COL17A1: variants seen among roughly 807,000 people sequenced by gnomAD.
COL17A1 encodes collagen alpha-1(XVII) chain.
COL17A1 carries 181 observed loss-of-function variants against 218.4 expected under a neutral mutation model. The ratio of observed to expected loss-of-function variants is 0.83; its 90% CI spans 0.73 to 0.94. The LOEUF (loss-of-function observed/expected upper bound fraction) is 0.94. COL17A1 is among the 40% of genes least tolerant of loss of function. The pLI is 0.00. For missense variants in COL17A1, 1,924 were observed against 1,945.9 expected, an observed-to-expected ratio of 0.99 and a Z score of 0.21; for synonymous variants, 721 against 731.0, an observed-to-expected ratio of 0.99 and a Z score of 0.22.
chr10:104,044,541 T>G (rs1470065537), intron 33 of COL17A1, among the ~76,000 whole-genome samples: 1 of 152,192 alleles, frequency 6.6e-6, no homozygotes, highest in East Asian at 1.9e-4. Context: ...CAAGTTCTGT[T>G]AGCAATTCAG....
At chr10:104,067,686 C>T (rs917585920) in intron 9 of COL17A1, among the ~76,000 whole-genome samples, 1 of 151,954 alleles carries the variant, frequency 6.6e-6, no homozygotes, top group Non-Finnish European at 1.5e-5. Context: ...GCGGCAGGAG[C>T]TGCAGAGCCG....
chr10:104,037,966 C>G (rs2086317895), intron 45 of COL17A1, among the ~76,000 whole-genome samples, 193 bp from the exon 46 acceptor site: 1 of 152,212 alleles, frequency 6.6e-6, no homozygotes, highest in African/African-American at 2.4e-5. Context: ...GAGGCAGAGG[C>G]CTGAGCTGGG....
rs1428345768 is a variant in COL17A1 at position 104,035,288 on chromosome 10, C to CA, written c.3593dup (p.Glu1199GlyfsTer43). 6.2e-7 allele frequency: 1 copy of CA among 1,614,094 alleles called. No individual in the cohort carries two copies. Among genetic ancestry groups the CA allele is most frequent in the Admixed American group, 1.7e-5 (1 of 60,024 alleles). ...TATGTAAGTAAGACGAGAGGTCCTC[C>CA]ACGCTGATGCTGGACCACACATTGC... is the stretch of plus-strand genomic sequence containing the variant. On this transcript the variant is annotated frameshift_variant, in exon 50 of 56. Transcript: ENST00000648076. LOFTEE classifies it high-confidence loss of function.
chr10:104,058,998 C>T lies in COL17A1; in HGVS notation c.1222+640G>A, dbSNP rs888313150. On this transcript the variant is annotated intron_variant, in intron 15 of 55. Coordinates refer to ENST00000648076, the MANE Select transcript of COL17A1 (RefSeq NM_000494.4). Reference sequence around the variant, plus strand: ...TTTGTGGGCATGTGTAGAATTTACTCGGCAATTTGTTCATACCTTTCATCA... The same window carrying T: ...TTTGTGGGCATGTGTAGAATTTACTTGGCAATTTGTTCATACCTTTCATCA... Among the ~76,000 whole-genome samples the T allele has an allele frequency of 3.3e-5, 5 of 152,056 alleles. No individual in the cohort carries two copies. In the South Asian group the frequency reaches 1.0e-3, roughly 32 times the overall value.
chr10:104,055,459 C>CACACAA, intron 18 of COL17A1, 58 bp from the exon 19 acceptor site: 1 of 1,479,136 alleles, frequency 6.8e-7, no homozygotes. Flanking sequence ...CACACACACA[C>CACACAA]ACACACACAC....
chr10:104,053,010 G>C lies in COL17A1; in HGVS notation c.1939+21C>G, dbSNP rs554206687. 3.7e-6 allele frequency: 6 copies of C among 1,612,368 alleles called. No individual in the cohort carries two copies. The East Asian group carries it at 1.3e-4, about 36-fold the overall frequency. ...AAGCACAGGCATAGCTAACTCTGCC[G>C]GTGAAGGAATTGCCTCTTACCTCTT... On this transcript the variant is annotated intron_variant, in intron 23 of 55. Transcript: ENST00000648076.
chr10:104,075,584 A>T (rs2086702570), intron 5 of COL17A1, among the ~76,000 whole-genome samples: 1 of 152,082 alleles, frequency 6.6e-6, no homozygotes, highest in Non-Finnish European at 1.5e-5. Context: ...TTTCTCACCA[A>T]TTTTTCCAAC....
intron 45 of COL17A1, 25 bp downstream of exon 45, chr10:104,038,381 C>G (rs532224568): frequency 1.2e-6 from 2 of 1,613,198 alleles, no homozygotes; most frequent in Admixed American, 3.3e-5. Context: ...CTTGTCCCCA[C>G]GGCTTGCGGC....
At chr10:104,074,291 A>G in intron 5 of COL17A1, 60 bp from the exon 6 acceptor site, 39 of 1,612,894 alleles carry the variant, frequency 2.4e-5, no homozygotes, top group Non-Finnish European at 3.1e-5. Context: ...AGCTTCCAAA[A>G]CGGGAGGTAG....
intron 29 of COL17A1, among the ~76,000 whole-genome samples, chr10:104,048,705 G>A (rs897605519): frequency 7.2e-5 from 11 of 152,200 alleles, no homozygotes; most frequent in Admixed American, 1.3e-4. Context: ...CTTGAGGGAG[G>A]TAAAGCATCT....
intron 45 of COL17A1, 54 bp from the exon 46 acceptor site, chr10:104,037,827 C>T (rs2134577385): frequency 6.3e-7 from 1 of 1,597,252 alleles, no homozygotes; most frequent in East Asian, 2.3e-5. Context: ...GACATGTTCT[C>T]CCCACGGAGG....
At position 104,049,399 on chromosome 10, in the gene COL17A1, G is replaced by A; in HGVS notation, c.2227+10C>T. 1.2e-6 allele frequency: 2 copies of A among 1,613,970 alleles called. No individual in the cohort carries two copies. Among genetic ancestry groups the A allele is most frequent in the Non-Finnish European group, 1.7e-6 (2 of 1,179,840 alleles). On this transcript the variant is annotated intron_variant, in intron 29 of 55. Coordinates refer to ENST00000648076, the MANE Select transcript of COL17A1 (RefSeq NM_000494.4). ...GGAACTCACTGAATCCATTCCTTTG[G>A]AACACTTACCCATTGCTCCTTTAGC...
rs374651113 is a variant in COL17A1, at chr10:104,059,732, C to A, written c.1142-14G>T. The A allele has an allele frequency of 1.3e-5, 21 of 1,612,584 alleles. No homozygotes were observed. Among genetic ancestry groups the A allele is most frequent in the African/African-American group, 5.3e-5 (4 of 74,848 alleles). On this transcript the variant is annotated splice_polypyrimidine_tract_variant and intron_variant, in intron 14 of 55. Transcript: ENST00000648076. ...CTGAAAAAGAAGCTATGTACAGAAC[C>A]CATTATAACCTGGCATATTCTCTTC...
chr10:104,051,087 C>A (rs1227119698), intron 25 of COL17A1, among the ~76,000 whole-genome samples, 186 bp from the exon 26 acceptor site: 1 of 152,242 alleles, frequency 6.6e-6, no homozygotes, highest in Non-Finnish European at 1.5e-5. Context: ...AGGTTCCTTG[C>A]CTCTGCTGAT....
rs376179264 is a variant in COL17A1, at chr10:104,055,882, G to A, written c.1587C>T (p.Pro529=). 1.0e-4 allele frequency: 163 copies of A among 1,614,158 alleles called. No homozygotes were observed. The highest frequency in any genetic ancestry group is 1.6e-4 in the East Asian group (7 of 44,878). ...TTTTGTCCAGGTCTGCTCCCGCCGC[G>A]GGTGCCATGCCCTGGAGGCGGTCCT... ...IEKDRLQGMA[P]AAGADLDKIG... is the part of the protein sequence containing the mutation. Residue 529 remains proline, a synonymous_variant, in exon 18 of 56, where the codon CCC becomes CCT. Transcript: ENST00000648076.
intron 17 of COL17A1, 45 bp from the exon 18 acceptor site, chr10:104,056,048 T>C (rs1589567950): frequency 1.2e-6 from 2 of 1,608,308 alleles, no homozygotes; most frequent in Non-Finnish European, 1.7e-6. Flanking sequence ...GCCCGGTCCT[T>C]CGCCTTCCAT....
chr10:104,060,130 C>T lies in COL17A1; in HGVS notation c.1130G>A (p.Ser377Asn), dbSNP rs1313406627. ...AGGATCTGACGCACTTGCAGCGATG[C>T]TGGCAGGGGAGGCTGTAAAGACCTT... ...SGKVFTASPA[S>N]IAATSFSEDT... The change falls in exon 14 of 56, where the codon AGC becomes AAC. Residue 377 changes from serine (S) to asparagine (N), a missense_variant. Physicochemically the swap from Ser to Asn is conservative, Grantham distance 46. Transcript: ENST00000648076. The T allele has an allele frequency of 6.2e-7, 1 of 1,614,100 alleles. No homozygotes were observed. The highest frequency in any genetic ancestry group is 1.1e-5 in the South Asian group (1 of 91,070).
At chr10:104,084,081 GT>G (rs2086787511) in intron 1 of COL17A1, among the ~76,000 whole-genome samples, 2 of 152,148 alleles carry the variant, frequency 1.3e-5, no homozygotes, top group Non-Finnish European at 2.9e-5. Flanking sequence ...CCAGAGATGG[GT>G]TTGCTGCTTG....
Position 104,078,525 on chromosome 10 carries a change from T to C in COL17A1, c.97+17A>G. The stretch of plus-strand genomic sequence containing the variant: ...ATGTGACCTACTGAAAAGAAAGCTA[T>C]TGAGGTAGTTACTTACTTGGTGGTA... On this transcript the variant is annotated intron_variant, in intron 3 of 55. Transcript: ENST00000648076. The C allele has an allele frequency of 6.2e-6, 10 of 1,614,116 alleles. No individual in the cohort carries two copies. Among genetic ancestry groups the C allele is most frequent in the Non-Finnish European group, 8.5e-6 (10 of 1,179,998 alleles).
Sources: allele counts gnomAD v4.1 joint callset (sites outside exome capture counted in the v4.1 genomes callset), GRCh38; gene constraint gnomAD v4.1.1; transcripts MANE v1.5; gene names NCBI Gene and HGNC (gene_info 2026-07-23, HGNC 2026-07-21).